STPG2: variants seen among roughly 807,000 people sequenced by gnomAD.
The protein encoded by STPG2 is sperm tail PG-rich repeat containing 2.
In STPG2, 56 loss-of-function variants were observed where a neutral mutation model predicts 54.2. The ratio of observed to expected loss-of-function variants is 1.03; its 90% confidence interval spans 0.83 to 1.29. The LOEUF is 1.29. STPG2 is among the 50% of genes most tolerant of loss of function. STPG2 has a pLI of 0.00. For synonymous variants in STPG2, 200 were observed against 181.8 expected, an observed-to-expected ratio of 1.10 and a Z score of -0.81; for missense variants, 596 against 544.9, an observed-to-expected ratio of 1.09 and a Z score of -0.93.
intron 9 of STPG2, among the ~76,000 whole-genome samples, chr4:97,821,543 A>G (rs1411466930): frequency 6.6e-6 from 1 of 152,164 alleles, no homozygotes; most frequent in Non-Finnish European, 1.5e-5. Context: ...TGGGGCCTCC[A>G]ACCCCACATT....
rs543279472 is a variant in STPG2, at chr4:97,739,374, T to C, written c.1205-26560A>G. Among the ~76,000 whole-genome samples the C allele has an allele frequency of 5.9e-3, 892 of 151,904 alleles. 5 individuals are homozygous for C. The highest frequency in any genetic ancestry group is 0.02 in the Middle Eastern group (6 of 294). ...GAAATAACTAAAATCAGAGCAGAAC[T>C]GAAGGAAATAGAGACGCAAAAAACC... On this transcript the variant is annotated intron_variant, in intron 9 of 10. Coordinates refer to ENST00000295268, the MANE Select transcript of STPG2 (RefSeq NM_174952.3).
intron 10 of STPG2, among the ~76,000 whole-genome samples, chr4:97,696,383 T>A (rs1273957859): frequency 6.6e-6 from 1 of 152,154 alleles, no homozygotes; most frequent in Non-Finnish European, 1.5e-5. Context: ...TCAAGATGGA[T>A]CAAAGTCTTG....
Position 97,802,794 on chromosome 4 carries a change from G to T in STPG2, c.1204+37979C>A, listed in dbSNP as rs142292837. 8.6e-5 allele frequency among the ~76,000 whole-genome samples: 13 copies of T among 152,026 alleles called. No homozygotes were observed. The East Asian group carries it at 2.3e-3, about 27-fold the overall frequency. On this transcript the variant is annotated intron_variant, in intron 9 of 10. Coordinates refer to ENST00000295268, the MANE Select transcript of STPG2 (RefSeq NM_174952.3). ...CCCTATCAAGTAAATATTAAACCAC[G>T]TATACATATTGACACACACATGCAC...
intron 10 of STPG2, among the ~76,000 whole-genome samples, chr4:97,617,771 T>C (rs1275053837): frequency 6.6e-6 from 1 of 152,152 alleles, no homozygotes; most frequent in Non-Finnish European, 1.5e-5. Flanking sequence ...GTGAGTTAGA[T>C]ACCAGCACCG....
At chr4:98,037,561 C>G (rs186075799) in intron 5 of STPG2, among the ~76,000 whole-genome samples, 2 of 150,970 alleles carry the variant, frequency 1.3e-5, no homozygotes, top group Admixed American at 1.3e-4. Context: ...CACTGATACG[C>G]AACATAGTAT....
At chr4:98,051,491 G>A (rs1371501303) in intron 5 of STPG2, among the ~76,000 whole-genome samples, 1 of 151,948 alleles carries the variant, frequency 6.6e-6, no homozygotes, top group Non-Finnish European at 1.5e-5. Flanking sequence ...AGGACTAGTG[G>A]CTTTATAGGA....
At chr4:97,609,867 A>T (rs1024782818) in intron 10 of STPG2, among the ~76,000 whole-genome samples, 12 of 151,876 alleles carry the variant, frequency 7.9e-5, no homozygotes, top group African/African-American at 2.2e-4. Flanking sequence ...GTGGGTTTAT[A>T]TTAAAGATCA....
intron 1 of STPG2, among the ~76,000 whole-genome samples, chr4:98,142,264 G>C (rs55898505): frequency 0.011 from 1,739 of 152,260 alleles, 16 homozygotes; most frequent in South Asian, 0.027. Context: ...CAGAATAATG[G>C]ATCCTGGCAT....
intron 6 of STPG2, among the ~76,000 whole-genome samples, chr4:97,974,205 A>G (rs1734430143): frequency 6.6e-6 from 1 of 152,084 alleles, no homozygotes; most frequent in Non-Finnish European, 1.5e-5. Context: ...TCAGACTTGC[A>G]TAGGGCCTGT....
intron 9 of STPG2, among the ~76,000 whole-genome samples, chr4:97,835,991 G>T (rs1329230907): frequency 6.6e-6 from 1 of 152,088 alleles, no homozygotes; most frequent in Non-Finnish European, 1.5e-5. Flanking sequence ...GATGAGCAAA[G>T]AAAGTGGTTT....
chr4:97,734,129 G>T (rs1724895218), intron 9 of STPG2, among the ~76,000 whole-genome samples: 2 of 152,112 alleles, frequency 1.3e-5, no homozygotes, highest in Admixed American at 6.5e-5. Flanking sequence ...TGAGTATAAT[G>T]TTACCTGTGT....
At chr4:97,914,677 T>C (rs1055510551) in intron 8 of STPG2, among the ~76,000 whole-genome samples, 6 of 152,202 alleles carry the variant, frequency 3.9e-5, no homozygotes, top group Non-Finnish European at 7.4e-5. Flanking sequence ...AGAAGTGTTT[T>C]GGACTTCAGA....
At chr4:97,751,767 A>G (rs982532542) in intron 9 of STPG2, among the ~76,000 whole-genome samples, 33 of 151,758 alleles carry the variant, frequency 2.2e-4, no homozygotes, top group African/African-American at 8.0e-4. Flanking sequence ...AAATTTCTCC[A>G]GAGGTCCTCT....
intron 3 of STPG2, among the ~76,000 whole-genome samples, chr4:98,127,630 C>G (rs978768977): frequency 6.6e-6 from 1 of 152,138 alleles, no homozygotes; most frequent in African/African-American, 2.4e-5. Flanking sequence ...ACCATAGGTT[C>G]GAAGTACTAT....
At chr4:97,442,025 C>T (rs1010050222) in intron 4 of STPG2, among the ~76,000 whole-genome samples, 2 of 151,882 alleles carry the variant, frequency 1.3e-5, no homozygotes, top group Admixed American at 6.6e-5. Flanking sequence ...AGAGGCTCTA[C>T]TAGATATTAT....
intron 8 of STPG2, among the ~76,000 whole-genome samples, chr4:97,919,458 A>G (rs1256858104): frequency 6.7e-6 from 1 of 149,572 alleles, no homozygotes; most frequent in African/African-American, 2.4e-5. Flanking sequence ...TAAAAAAAAG[A>G]AAATACGAAT....
intron 4 of STPG2, among the ~76,000 whole-genome samples, chr4:97,543,721 C>T (rs547168031): frequency 1.3e-5 from 2 of 152,118 alleles, no homozygotes; most frequent in Non-Finnish European, 1.5e-5. Flanking sequence ...TTAAGATTTA[C>T]ATAATTTTAT....
At chr4:97,646,035 A>T (rs1721902311) in intron 10 of STPG2, among the ~76,000 whole-genome samples, 1 of 152,070 alleles carries the variant, frequency 6.6e-6, no homozygotes, top group Non-Finnish European at 1.5e-5. Flanking sequence ...GGGCTCAATG[A>T]TCTGATTCTT....
At chr4:97,755,671 G>C (rs1197097125) in intron 9 of STPG2, among the ~76,000 whole-genome samples, 1 of 152,138 alleles carries the variant, frequency 6.6e-6, no homozygotes, top group Non-Finnish European at 1.5e-5. Flanking sequence ...TTAAAGAAAT[G>C]AGCTAAACCT....
Sources: gnomAD v4.1 joint callset for allele counts (sites outside exome capture counted in the v4.1 genomes callset) on GRCh38, gnomAD v4.1.1 for gene constraint, MANE v1.5 for transcripts, NCBI Gene and HGNC (gene_info 2026-07-23, HGNC 2026-07-21) for gene names.